The following CORIN variants were observed in gnomAD, a reference collection of about 807,000 sequenced individuals.
CORIN encodes atrial natriuretic peptide-converting enzyme.
CORIN carries 117 observed loss-of-function variants against 125.3 expected under a neutral mutation model. That is an observed-to-expected ratio of 0.93 (90% confidence interval 0.80 to 1.09). The LOEUF (loss-of-function observed/expected upper bound fraction) is 1.09, where lower values mean the gene tolerates loss of function less well. CORIN is among the 50% of genes least tolerant of loss of function. CORIN has a pLI of 0.00. For synonymous variants in CORIN, 450 were observed against 466.4 expected (o/e 0.96, Z 0.45); for missense variants, 1,253 against 1,306.7 (o/e 0.96, Z 0.63).
intron 21 of CORIN, among the ~76,000 whole-genome samples, chr4:47,599,383 G>A (rs183366194): frequency 6.6e-6 from 1 of 152,094 alleles, no homozygotes; most frequent in Admixed American, 6.6e-5. Context: ...TTTAAATTGA[G>A]TTAGTACTTA....
intron 5 of CORIN, among the ~76,000 whole-genome samples, chr4:47,718,256 T>C (rs1311821996): frequency 6.6e-6 from 1 of 152,332 alleles, no homozygotes; most frequent in East Asian, 1.9e-4. Context: ...CCAGTTACCA[T>C]GTGAAAGGTT....
At chr4:47,674,312 G>A (rs1313905529) in intron 10 of CORIN, 81 bp downstream of exon 10, 1 of 985,048 alleles carries the variant, frequency 1.0e-6, no homozygotes, top group Admixed American at 1.8e-5. Flanking sequence ...CCAGACTTCA[G>A]TATTTGAATG....
chr4:47,821,394 AATT>A (rs1732505169), intron 1 of CORIN, among the ~76,000 whole-genome samples: 1 of 150,924 alleles, frequency 6.6e-6, no homozygotes, highest in Non-Finnish European at 1.5e-5. Context: ...ATAATATTAG[AATT>A]ATTATTTCAG....
At chr4:47,768,348 T>C (rs555847564) in intron 3 of CORIN, among the ~76,000 whole-genome samples, 2 of 152,298 alleles carry the variant, frequency 1.3e-5, no homozygotes, top group South Asian at 4.1e-4. Context: ...AAGTCTTCCA[T>C]CACAGAAAAG....
intron 2 of CORIN, among the ~76,000 whole-genome samples, chr4:47,796,358 C>G (rs568484069): frequency 1.3e-5 from 2 of 152,134 alleles, no homozygotes; most frequent in South Asian, 4.2e-4. Flanking sequence ...ACTACATGAT[C>G]ACACTCATAT....
intron 3 of CORIN, among the ~76,000 whole-genome samples, chr4:47,782,733 C>T (rs1730611895): frequency 6.6e-6 from 1 of 152,086 alleles, no homozygotes; most frequent in Non-Finnish European, 1.5e-5. Context: ...AAATGAAATA[C>T]TGACACATGC....
chr4:47,789,878 C>T (rs1024962653), intron 2 of CORIN, among the ~76,000 whole-genome samples: 1 of 151,902 alleles, frequency 6.6e-6, no homozygotes, highest in African/African-American at 2.4e-5. Context: ...AAAAATTAGC[C>T]GGGTGTGGTG....
chr4:47,691,483 T>G (rs1329856616), intron 6 of CORIN, among the ~76,000 whole-genome samples: 1 of 152,200 alleles, frequency 6.6e-6, no homozygotes, highest in African/African-American at 2.4e-5. Context: ...CACAAATTTC[T>G]TACTGAAAAG....
chr4:47,737,362 T>G (rs1422457746), intron 5 of CORIN, among the ~76,000 whole-genome samples: 1 of 152,186 alleles, frequency 6.6e-6, no homozygotes, highest in Admixed American at 6.5e-5. Context: ...ATTGCTACAT[T>G]TGCTGGCCCA....
chr4:47,623,893 T>G lies in CORIN; in HGVS notation c.2365+6A>C. The G allele has an allele frequency of 6.2e-7, 1 of 1,613,474 alleles. No homozygotes were observed. The highest frequency in any genetic ancestry group is 8.5e-7 in the Non-Finnish European group (1 of 1,179,356). On this transcript the variant is annotated splice_donor_region_variant and intron_variant, in intron 18 of 21. Coordinates refer to ENST00000273857, the MANE Select transcript of CORIN (RefSeq NM_006587.4). ...TATCCCATTGCCACACCTCTAATTC[T>G]CTCACCTTGTTTAGTACACAGAAGA... is the stretch of plus-strand genomic sequence containing the variant.
At chr4:47,796,249 A>T (rs1055951987) in intron 2 of CORIN, among the ~76,000 whole-genome samples, 1 of 152,112 alleles carries the variant, frequency 6.6e-6, no homozygotes, top group Non-Finnish European at 1.5e-5. Context: ...AAAATGTGGC[A>T]TACACACAAT....
intron 5 of CORIN, among the ~76,000 whole-genome samples, chr4:47,722,081 T>A (rs986903102): frequency 4.6e-5 from 7 of 152,246 alleles, no homozygotes; most frequent in African/African-American, 1.7e-4. Flanking sequence ...CACATACTGA[T>A]GCAATCACTT....
At chr4:47,790,291 T>G (rs2109924556) in intron 2 of CORIN, 2 of 637,948 alleles carry the variant, frequency 3.1e-6, no homozygotes, top group South Asian at 7.0e-5. Flanking sequence ...CCGACTGGCC[T>G]GCGCACTGGG....
chr4:47,631,668 C>T (rs1722811351), intron 16 of CORIN, among the ~76,000 whole-genome samples: 1 of 152,128 alleles, frequency 6.6e-6, no homozygotes, highest in African/African-American at 2.4e-5. Flanking sequence ...ACCATTCCCC[C>T]CATCCCATCC....
At chr4:47,702,517 G>A (rs1200268854) in intron 5 of CORIN, among the ~76,000 whole-genome samples, 1 of 152,002 alleles carries the variant, frequency 6.6e-6, no homozygotes, top group Non-Finnish European at 1.5e-5. Context: ...GCCATCCCAT[G>A]GTATTTTTCT....
intron 8 of CORIN, among the ~76,000 whole-genome samples, chr4:47,678,410 A>C (rs1725121534): frequency 6.6e-6 from 1 of 152,232 alleles, no homozygotes; most frequent in Non-Finnish European, 1.5e-5. Context: ...AGTAGATACT[A>C]TCATCTTTGT....
At chr4:47,716,133 C>A (rs1727076866) in intron 5 of CORIN, among the ~76,000 whole-genome samples, 1 of 152,208 alleles carries the variant, frequency 6.6e-6, no homozygotes, top group Non-Finnish European at 1.5e-5. Context: ...TTTTGAACAT[C>A]TACCTTGGAG....
chr4:47,810,571 C>A (rs981537680), intron 1 of CORIN, among the ~76,000 whole-genome samples: 1 of 152,114 alleles, frequency 6.6e-6, no homozygotes, highest in Admixed American at 6.5e-5. Context: ...ACCATTGTAC[C>A]ACAAGTGTAT....
At chr4:47,645,663 G>A (rs1044688718) in intron 13 of CORIN, among the ~76,000 whole-genome samples, 4 of 152,122 alleles carry the variant, frequency 2.6e-5, no homozygotes, top group Non-Finnish European at 4.4e-5. Flanking sequence ...GCTGAGGTGG[G>A]CAGATCACTT....
Sources: allele counts gnomAD v4.1 joint callset (sites outside exome capture counted in the v4.1 genomes callset), GRCh38; gene constraint gnomAD v4.1.1; transcripts MANE v1.5; gene names NCBI Gene and HGNC (gene_info 2026-07-23, HGNC 2026-07-21).